CTCFL: variants seen among roughly 807,000 people sequenced by gnomAD.
The protein encoded by CTCFL is CCCTC-binding factor like, also known as transcriptional repressor CTCFL.
Under a neutral mutation model 67.4 loss-of-function variants are expected in CTCFL, and 36 were observed. The ratio of observed to expected loss-of-function variants is 0.53; its 90% CI spans 0.41 to 0.71. CTCFL has a LOEUF of 0.71. CTCFL is among the 30% of genes least tolerant of loss of function. CTCFL has a pLI of 0.00. For synonymous variants in CTCFL, 324 were observed against 302.3 expected, an observed-to-expected ratio of 1.07 and a Z score of -0.75; for missense variants, 786 against 835.2, an observed-to-expected ratio of 0.94 and a Z score of 0.73.
At chr20:57,504,953 C>A (rs1393988654) in intron 9 of CTCFL, among the ~76,000 whole-genome samples, 1 of 151,874 alleles carries the variant, frequency 6.6e-6, no homozygotes, top group Non-Finnish European at 1.5e-5. Context: ...TTCCTTGGCA[C>A]CCTGCAAATA....
intron 9 of CTCFL, among the ~76,000 whole-genome samples, chr20:57,505,449 G>A (rs926904593): frequency 6.6e-6 from 1 of 151,828 alleles, no homozygotes; most frequent in African/African-American, 2.4e-5. Context: ...GTAGAGATGG[G>A]GTTTCACCAT....
At chr20:57,522,207 T>G (rs1418384866) in intron 3 of CTCFL, among the ~76,000 whole-genome samples, 2 of 152,148 alleles carry the variant, frequency 1.3e-5, no homozygotes, top group East Asian at 3.8e-4. Flanking sequence ...GTGGTGGCAG[T>G]GTTTGGTTGG....
At chr20:57,515,538 A>G in intron 6 of CTCFL, 176 bp downstream of exon 6, 1 of 703,498 alleles carries the variant, frequency 1.4e-6, no homozygotes, top group South Asian at 1.8e-5. Flanking sequence ...ATCTATGCAG[A>G]CTCTCTTACT....
At position 57,510,962 on chromosome 20, in the gene CTCFL, G is replaced by A. The variant is rs550981062; in HGVS notation, c.1491+1630C>T. Among the ~76,000 whole-genome samples, 591 of 152,358 alleles carry A rather than the reference G, an allele frequency of 3.9e-3. 3 individuals carry two copies. Among genetic ancestry groups the A allele is most frequent in the African/African-American group, 0.013 (559 of 41,588 alleles). ...AAAGAAAATTTGGTCTCACAGACATGTAGTTTGAAAAGAGAGCAACATTTT... is the reference window on the plus strand; with the variant it reads ...AAAGAAAATTTGGTCTCACAGACATATAGTTTGAAAAGAGAGCAACATTTT... On this transcript the variant is annotated intron_variant, in intron 8 of 10. Coordinates refer to ENST00000243914, the MANE Select transcript of CTCFL (RefSeq NM_001386993.1).
At position 57,519,248 on chromosome 20, in the gene CTCFL, C is replaced by T. The variant is rs754194450; in HGVS notation, c.884G>A (p.Arg295His). The change falls in exon 4 of 11, where the codon CGT (arginine) becomes CAT (histidine). Residue 295 changes from arginine to histidine, a missense_variant. Physicochemically the swap from Arg to His is conservative, Grantham distance 29 (BLOSUM62 0). Coordinates refer to ENST00000243914, the MANE Select transcript of CTCFL (RefSeq NM_001386993.1). ...ATGGTTCCGCAGCAGAGTGACCGTA[C>T]GGAAGGTTTTCAGGCAGAGGTGACA... is the stretch of plus-strand genomic sequence containing the variant. Reference protein sequence around the residue: ...HLCHLCLKTFRTVTLLRNHVN... With the variant: ...HLCHLCLKTFHTVTLLRNHVN... 15 of 1,614,024 alleles carry T rather than the reference C, an allele frequency of 9.3e-6. No homozygotes were observed. Among genetic ancestry groups the T allele is most frequent in the African/African-American group, 5.3e-5 (4 of 74,922 alleles).
chr20:57,518,641 A>C, intron 5 of CTCFL, 117 bp downstream of exon 5: 1 of 1,576,870 alleles, frequency 6.3e-7, no homozygotes, highest in Non-Finnish European at 8.7e-7. Flanking sequence ...CATAAATTTT[A>C]TATGAATAAT....
intron 6 of CTCFL, 110 bp from the exon 7 acceptor site, chr20:57,514,851 C>A: frequency 8.5e-7 from 1 of 1,175,684 alleles, no homozygotes; most frequent in Non-Finnish European, 1.2e-6. Flanking sequence ...TATCAACCCC[C>A]TTCTCACCGG....
intron 2 of CTCFL, 67 bp from the exon 3 acceptor site, chr20:57,523,345 G>A (rs1479615543): frequency 3.5e-6 from 5 of 1,416,208 alleles, no homozygotes; most frequent in Non-Finnish European, 4.9e-6. Flanking sequence ...TTGCCTGGAT[G>A]AAGCACAGAA....
At chr20:57,518,266 A>G (rs1203525899) in intron 5 of CTCFL, among the ~76,000 whole-genome samples, 1 of 152,242 alleles carries the variant, frequency 6.6e-6, no homozygotes, top group Admixed American at 6.5e-5. Flanking sequence ...AAGCAAATTA[A>G]TTAAAATGAC....
At chr20:57,507,284 T>C (rs537293451) in intron 9 of CTCFL, 68 of 352,976 alleles carry the variant, frequency 1.9e-4, no homozygotes, top group Non-Finnish European at 3.4e-4. Context: ...CTCTGTCTCC[T>C]GGGTTCAAGT....
chr20:57,522,653 C>A (rs955129926), intron 3 of CTCFL, among the ~76,000 whole-genome samples: 1 of 152,140 alleles, frequency 6.6e-6, no homozygotes, highest in Non-Finnish European at 1.5e-5. Flanking sequence ...CCTGGACTCA[C>A]CTAAATATCA....
intron 7 of CTCFL, chr20:57,513,434 A>G: frequency 1.0e-6 from 1 of 989,340 alleles, no homozygotes; most frequent in Non-Finnish European, 1.2e-6. Context: ...ACAGTGACTC[A>G]GACATTTAGA....
In CTCFL at chr20:57,498,562, C is replaced by A. The variant is rs755523255; in HGVS notation, c.1980G>T (p.Thr660=). 2 of 1,613,216 alleles carry A rather than the reference C, an allele frequency of 1.2e-6. No homozygotes were observed. The highest frequency in any genetic ancestry group is 1.1e-5 in the South Asian group (1 of 90,858). Residue 660 remains threonine, a synonymous_variant, in exon 11 of 11, where the codon ACG becomes ACT. Transcript: ENST00000243914. ...EGVTCEMLLN[T]MDK is the part of the protein sequence containing the mutation. ...ACCCGAATCCCTCTCACTTATCCATCGTGTTGAGGAGCATTTCACAGGTCA... is the reference window on the plus strand; with the variant it reads ...ACCCGAATCCCTCTCACTTATCCATAGTGTTGAGGAGCATTTCACAGGTCA...
At position 57,523,771 on chromosome 20, in the gene CTCFL, C is replaced by T. The variant is rs200989490; in HGVS notation, c.435G>A (p.Pro145=). The T allele has an allele frequency of 8.1e-6, 13 of 1,613,260 alleles. No homozygotes were observed. The highest frequency in any genetic ancestry group is 2.7e-5 in the African/African-American group (2 of 74,932). Reference sequence around the variant, plus strand: ...GGAACTGCAACACCTCCATCTCTTGCGGGGAGTACAGCTCTTGCTGGATAC... The same window carrying T: ...GGAACTGCAACACCTCCATCTCTTGTGGGGAGTACAGCTCTTGCTGGATAC... The part of the protein sequence containing the change: ...AISIQQELYS[P]QEMEVLQFHA... The change falls in exon 2 of 11, where the codon CCG becomes CCA. Residue 145 remains proline (P), a synonymous_variant. Coordinates refer to ENST00000243914, the MANE Select transcript of CTCFL (RefSeq NM_001386993.1).
rs1235497101 is a variant in CTCFL at position 57,497,223 on chromosome 20, TA to T, written c.*1326del. The T allele has an allele frequency of 2.1e-5, 20 of 956,116 alleles. 1 individual carries two copies. Among genetic ancestry groups the T allele is most frequent in the African/African-American group, 7.1e-5 (4 of 56,598 alleles). 59.2% of individuals were successfully genotyped at this position (956,116 alleles called of 1,614,324 possible). ...TATGTAAAACATCTTTAAATAACAG[TA>T]AAAAAATTAAGAAACCATTGCACAA... On this transcript the variant is annotated 3_prime_UTR_variant, in exon 11 of 11. Coordinates refer to ENST00000243914, the MANE Select transcript of CTCFL (RefSeq NM_001386993.1).
At chr20:57,514,441 G>C in intron 7 of CTCFL, 151 bp downstream of exon 7, 1 of 858,162 alleles carries the variant, frequency 1.2e-6, no homozygotes, top group Non-Finnish European at 1.8e-6. Flanking sequence ...CAGATGGTGC[G>C]ACAGGACTTC....
In CTCFL at chr20:57,515,762, C is replaced by T; in HGVS notation, c.1132G>A (p.Ala378Thr). The T allele has an allele frequency of 1.2e-6, 2 of 1,614,162 alleles. No individual in the cohort carries two copies. The highest frequency in any genetic ancestry group is 2.2e-5 in the South Asian group (2 of 91,082). ...RPFQCCQCSY[A>T]SRDTYKLKRH... is the part of the protein sequence containing the mutation. ...TTCAGCTTGTAGGTATCTCTGCTGG[C>T]ATAGCTGCACTGGCAACACTGAAAG... Residue 378 changes from alanine to threonine, a missense_variant, in exon 6 of 11, where the codon GCC (alanine) becomes ACC (threonine). By Grantham distance (58) the Ala-to-Thr change is moderately conservative. Around this residue, in one of 3 missense-constraint regions of CTCFL, gnomAD observed 254 missense variants for 333.9 expected, o/e 0.76. Transcript: ENST00000243914.
intron 7 of CTCFL, among the ~76,000 whole-genome samples, 175 bp from the exon 8 acceptor site, chr20:57,512,927 T>C (rs1336958460): frequency 6.6e-6 from 1 of 152,186 alleles, no homozygotes; most frequent in Non-Finnish European, 1.5e-5. Context: ...GCATTCCTGG[T>C]GTCTGTCTAC....
intron 9 of CTCFL, among the ~76,000 whole-genome samples, chr20:57,505,770 C>T (rs1330282863): frequency 6.6e-6 from 1 of 152,162 alleles, no homozygotes; most frequent in Non-Finnish European, 1.5e-5. Context: ...CAAAGACTTC[C>T]CCTAGTCAAG....
Sources: gnomAD v4.1 joint callset for allele counts (sites outside exome capture counted in the v4.1 genomes callset) on GRCh38, gnomAD v4.1.1 for gene constraint, gnomAD v4.1.1 regional missense constraint, MANE v1.5 for transcripts, NCBI Gene and HGNC (gene_info 2026-07-23, HGNC 2026-07-21) for gene names.